CEMIP: variants seen among roughly 807,000 people sequenced by gnomAD.
CEMIP encodes cell migration inducing hyaluronidase 1.
Under a neutral mutation model 156.9 loss-of-function variants are expected in CEMIP, and 105 were observed. That is an observed-to-expected ratio of 0.67 (90% CI 0.57 to 0.79). CEMIP has a LOEUF of 0.79. Ranked by LOEUF, CEMIP falls within the 30% of genes least tolerant of loss-of-function variation. CEMIP has a pLI of 0.00. For synonymous variants in CEMIP, 676 were observed against 668.4 expected, an observed-to-expected ratio of 1.01 and a Z score of -0.17; for missense variants, 1,457 against 1,769.4, an observed-to-expected ratio of 0.82 and a Z score of 3.17.
chr15:80,840,225 G>C (rs187415065), intron 1 of CEMIP, among the ~76,000 whole-genome samples: 1 of 152,200 alleles, frequency 6.6e-6, no homozygotes, highest in Non-Finnish European at 1.5e-5. Flanking sequence ...ATGTGGAAGT[G>C]TGATAGAGGA....
intron 1 of CEMIP, among the ~76,000 whole-genome samples, chr15:80,855,996 A>G (rs927338940): frequency 6.6e-6 from 1 of 152,234 alleles, no homozygotes; most frequent in Non-Finnish European, 1.5e-5. Context: ...ATGCTGAGTG[A>G]AAGAAACCTT....
intron 12 of CEMIP, among the ~76,000 whole-genome samples, chr15:80,900,632 G>GTGTGTGTC (rs1899463883): frequency 1.5e-5 from 2 of 134,728 alleles, no homozygotes; most frequent in African/African-American, 2.6e-5. Flanking sequence ...GTGTGTGTGT[G>GTGTGTGTC]TGTGTGTGTG....
intron 1 of CEMIP, among the ~76,000 whole-genome samples, chr15:80,823,505 T>G (rs1896956853): frequency 6.6e-6 from 1 of 152,160 alleles, no homozygotes; most frequent in Non-Finnish European, 1.5e-5. Flanking sequence ...CAGTCTTAGC[T>G]CAGCTTTCCA....
intron 1 of CEMIP, among the ~76,000 whole-genome samples, chr15:80,833,607 A>C (rs1327423591): frequency 2.0e-5 from 3 of 151,808 alleles, no homozygotes; most frequent in Non-Finnish European, 4.4e-5. Context: ...AGAGGCAGTC[A>C]AGATGGCTCT....
intron 1 of CEMIP, among the ~76,000 whole-genome samples, chr15:80,819,031 C>G (rs28408914): frequency 0.01 from 1,588 of 152,334 alleles, 26 homozygotes; most frequent in African/African-American, 0.036. Context: ...TCAGCCCAGC[C>G]TGGGCATCTT....
chr15:80,905,256 C>G (rs1393415662), intron 12 of CEMIP, among the ~76,000 whole-genome samples: 2 of 152,202 alleles, frequency 1.3e-5, no homozygotes, highest in Admixed American at 1.3e-4. Flanking sequence ...TGGTGTGGTT[C>G]AGGCTGGGTA....
At chr15:80,839,269 G>T (rs919005781) in intron 1 of CEMIP, among the ~76,000 whole-genome samples, 2 of 142,178 alleles carry the variant, frequency 1.4e-5, no homozygotes, top group African/African-American at 5.8e-5. Context: ...AGGAGTGAAG[G>T]CTGTGGAGTC....
At chr15:80,947,590 G>A (rs758415201) in intron 29 of CEMIP, 6 of 157,756 alleles carry the variant, frequency 3.8e-5, no homozygotes, top group Non-Finnish European at 7.0e-5. Flanking sequence ...CTTGCTGGCT[G>A]TGCTGGAAGA....
intron 6 of CEMIP, among the ~76,000 whole-genome samples, chr15:80,883,776 T>C (rs1032589062): frequency 1.3e-5 from 2 of 152,224 alleles, no homozygotes; most frequent in African/African-American, 4.8e-5. Flanking sequence ...CCTAATGCCC[T>C]AGCTATCTGA....
intron 25 of CEMIP, among the ~76,000 whole-genome samples, chr15:80,940,837 T>C (rs1022814716): frequency 5.9e-5 from 9 of 152,172 alleles, no homozygotes; most frequent in Admixed American, 3.9e-4. Flanking sequence ...TTCACACACA[T>C]ACGCACACAC....
At chr15:80,838,648 A>C (rs1157640401) in intron 1 of CEMIP, among the ~76,000 whole-genome samples, 2 of 150,822 alleles carry the variant, frequency 1.3e-5, no homozygotes, top group African/African-American at 2.4e-5. Flanking sequence ...TGATGATAAA[A>C]CCCCCCGTGT....
chr15:80,803,280 C>T (rs934219669), intron 1 of CEMIP, among the ~76,000 whole-genome samples: 4 of 152,142 alleles, frequency 2.6e-5, no homozygotes, highest in African/African-American at 9.7e-5. Flanking sequence ...ATTGGGACAG[C>T]ATTTCTCCCT....
chr15:80,914,644 A>G (rs568988768), intron 14 of CEMIP, among the ~76,000 whole-genome samples: 56 of 152,322 alleles, frequency 3.7e-4, no homozygotes, highest in African/African-American at 1.3e-3. Context: ...TTGTGGGAGA[A>G]GCTTCCGCTT....
intron 1 of CEMIP, among the ~76,000 whole-genome samples, chr15:80,792,300 C>G (rs1375607332): frequency 6.6e-6 from 1 of 152,188 alleles, no homozygotes; most frequent in East Asian, 1.9e-4. Flanking sequence ...AAACTGTTCT[C>G]CATATTCTTT....
intron 1 of CEMIP, among the ~76,000 whole-genome samples, chr15:80,804,967 G>T (rs918895404): frequency 1.7e-4 from 26 of 152,248 alleles, no homozygotes; most frequent in African/African-American, 6.0e-4. Context: ...CCAAAGCTGG[G>T]AGCAAGTCAC....
intron 1 of CEMIP, among the ~76,000 whole-genome samples, chr15:80,824,758 G>T (rs961471456): frequency 6.6e-6 from 1 of 152,166 alleles, no homozygotes; most frequent in Non-Finnish European, 1.5e-5. Context: ...AATAGGAAAG[G>T]CTCATTGTCT....
intron 1 of CEMIP, among the ~76,000 whole-genome samples, chr15:80,822,656 C>G (rs899723652): frequency 3.9e-5 from 6 of 152,208 alleles, no homozygotes; most frequent in Non-Finnish European, 2.9e-5. Flanking sequence ...AAAACAGTGG[C>G]TTGCCCAGTG....
intron 19 of CEMIP, among the ~76,000 whole-genome samples, chr15:80,927,461 C>T (rs574469721): frequency 1.3e-5 from 2 of 152,186 alleles, no homozygotes; most frequent in South Asian, 2.1e-4. Flanking sequence ...GTGTCAATGC[C>T]GAAATTCTTT....
chr15:80,802,575 G>A (rs888678769), intron 1 of CEMIP, among the ~76,000 whole-genome samples: 14 of 152,242 alleles, frequency 9.2e-5, no homozygotes, highest in Non-Finnish European at 1.3e-4. Context: ...ACCATGGGGC[G>A]TGGGCTGGCG....
Sources: allele counts gnomAD v4.1 joint callset (sites outside exome capture counted in the v4.1 genomes callset), GRCh38; gene constraint gnomAD v4.1.1; transcripts MANE v1.5; gene names NCBI Gene and HGNC (gene_info 2026-07-23, HGNC 2026-07-21).